Variants in NAGA observed in about 807,000 individuals in gnomAD.
NAGA encodes Acetylgalactosaminidase, alpha-N- (alpha-galactosidase B).
NAGA carries 42 observed loss-of-function variants against 45.6 expected under a neutral mutation model. The ratio of observed to expected loss-of-function variants is 0.92; its 90% CI spans 0.72 to 1.19. NAGA has a LOEUF of 1.19. NAGA is among the 50% of genes most tolerant of loss of function. NAGA has a pLI of 0.00. For synonymous variants in NAGA, 176 were observed against 203.1 expected (o/e 0.87, Z 1.13); for missense variants, 493 against 544.8 (o/e 0.90, Z 0.95).
At chr22:42,066,491 C>T (rs985171316) in intron 5 of NAGA, among the ~76,000 whole-genome samples, 1 of 152,212 alleles carries the variant, frequency 6.6e-6, no homozygotes, top group Non-Finnish European at 1.5e-5. Flanking sequence ...CTAAGGCCCG[C>T]CACTCCCTCC....
In NAGA at chr22:42,066,714, G is replaced by T. The variant is rs774417901; in HGVS notation, c.593C>A (p.Pro198Gln). The T allele has an allele frequency of 2.5e-6, 4 of 1,597,430 alleles. No homozygotes were observed. The highest frequency in any genetic ancestry group is 1.3e-5 in the African/African-American group (1 of 74,680). ...GCAGGGGGCAGAATGGCTTACCCTT[G>T]GGGGGAGGCCGCCTTCATAGGCTGG... ...SWPAYEGGLP[P>Q]RVNYSLLADI... Residue 198 changes from proline (P) to glutamine (Q), a missense_variant, in exon 5 of 9, where the codon CCA (proline) becomes CAA (glutamine). Transcript: ENST00000396398.
chr22:42,063,247 C>T (rs1309562729), intron 6 of NAGA, among the ~76,000 whole-genome samples: 2 of 152,222 alleles, frequency 1.3e-5, no homozygotes, highest in Non-Finnish European at 1.5e-5. Context: ...CCATCAAGAA[C>T]AGGAGTCGGC....
rs751881704 is a variant in NAGA at position 42,067,892 on chromosome 22, C to T, written c.197G>A (p.Gly66Glu). Residue 66 changes from glycine (G) to glutamate (E), a missense_variant, in exon 3 of 9, where the codon GGA (glycine) becomes GAA (glutamate). Coordinates refer to ENST00000396398, the MANE Select transcript of NAGA (RefSeq NM_000262.3). ...MEMADRMAQD[G>E]WRDMGYTYLN... ...GTATGTGTAGCCCATGTCCCGCCAT[C>T]CATCCTGTGCCATCCGGTCAGCCAT... is the stretch of plus-strand genomic sequence containing the variant. 3 of 1,613,750 alleles carry T rather than the reference C, an allele frequency of 1.9e-6. No individual in the cohort carries two copies. Among genetic ancestry groups the T allele is most frequent in the Admixed American group, 3.3e-5 (2 of 60,032 alleles).
chr22:42,067,841 C>G lies in NAGA; in HGVS notation c.248G>C (p.Gly83Ala). 6.2e-7 allele frequency: 1 copy of G among 1,612,974 alleles called. No homozygotes were observed. Among genetic ancestry groups the G allele is most frequent in the Non-Finnish European group, 8.5e-7 (1 of 1,179,964 alleles). ...CAGGCGGCCACTGGCATCGCGACCACCGATCCAGCAGTCATCAATGTTGAG... is the reference window on the plus strand; with the variant it reads ...CAGGCGGCCACTGGCATCGCGACCAGCGATCCAGCAGTCATCAATGTTGAG... ...TYLNIDDCWI[G>A]GRDASGRLMP... Residue 83 changes from glycine to alanine, a missense_variant, in exon 3 of 9, where the codon GGT becomes GCT. By Grantham distance (60) the Gly-to-Ala change is moderately conservative (BLOSUM62 0). Coordinates refer to ENST00000396398, the MANE Select transcript of NAGA (RefSeq NM_000262.3).
chr22:42,067,454 C>G (rs1041498423), intron 3 of NAGA, among the ~76,000 whole-genome samples, 164 bp from the exon 4 acceptor site: 3 of 152,178 alleles, frequency 2.0e-5, no homozygotes, highest in Non-Finnish European at 4.4e-5. Flanking sequence ...CACCTCTCCC[C>G]CAACACACAC....
rs1926761147 is a variant in NAGA, at chr22:42,066,794, C to G, written c.513G>C (p.Lys171Asn). The G allele has an allele frequency of 1.2e-6, 2 of 1,605,116 alleles. No individual in the cohort carries two copies. The highest frequency in any genetic ancestry group is 2.2e-5 in the East Asian group (1 of 44,570). The change falls in exon 5 of 9, where the codon AAG (lysine) becomes AAC (asparagine). Residue 171 changes from lysine (K) to asparagine (N), a missense_variant. Transcript: ENST00000396398. ...TPEERAQGYP[K>N]MAAALNATGR... ...CTGTGGCATTCAGGGCAGCAGCCAT[C>G]TTGGGGTACCCTAGAGAAAGCCCAA...
Position 42,070,495 on chromosome 22 carries a change from C to A in NAGA, c.-198G>T. On this transcript the variant is annotated 5_prime_UTR_variant, in exon 1 of 9. Coordinates refer to ENST00000396398, the MANE Select transcript of NAGA (RefSeq NM_000262.3). ...CCCGCCCCATCCCCAGCCATCACTT[C>A]CCGGAGCTTCAGTTCTTCCTTCAGA... 1 of 680,658 alleles carries A rather than the reference C, an allele frequency of 1.5e-6. No individual in the cohort carries two copies. Among genetic ancestry groups the A allele is most frequent in the Non-Finnish European group, 2.7e-6 (1 of 372,316 alleles). 42.2% of individuals were successfully genotyped at this position (680,658 alleles called of 1,614,324 possible).
rs750117533 is a variant in NAGA, at chr22:42,067,138, G to A, written c.477C>T (p.Phe159=). The change falls in exon 4 of 9, where the codon TTC becomes TTT. Residue 159 remains phenylalanine (F), a synonymous_variant. Transcript: ENST00000396398. ...KVDMLKLDGC[F]STPEERAQGY... ...CCTGGGCCCGCTCCTCGGGGGTGGA[G>A]AAGCAGCCATCCAGCTTGAGCATGT... 1.2e-6 allele frequency: 2 copies of A among 1,614,008 alleles called. No individual in the cohort carries two copies. The highest frequency in any genetic ancestry group is 2.7e-5 in the African/African-American group (2 of 74,914).
At chr22:42,067,034 C>T (rs1263165026) in intron 4 of NAGA, 79 bp downstream of exon 4, 2 of 1,595,486 alleles carry the variant, frequency 1.3e-6, no homozygotes, top group South Asian at 1.1e-5. Flanking sequence ...TTGGGAAGCT[C>T]AGCCAGGTGG....
intron 2 of NAGA, 120 bp from the exon 3 acceptor site, chr22:42,068,056 A>G (rs1281242432): frequency 3.0e-6 from 3 of 985,822 alleles, no homozygotes; most frequent in Non-Finnish European, 4.8e-6. Context: ...GCCCTAAGCC[A>G]GGTATCAGTG....
At chr22:42,067,546 C>G (rs1926814976) in intron 3 of NAGA, among the ~76,000 whole-genome samples, 1 of 152,218 alleles carries the variant, frequency 6.6e-6, no homozygotes, top group Non-Finnish European at 1.5e-5. Context: ...GGGCTCAGCT[C>G]AAGAAATGCC....
chr22:42,060,326 T>C lies in NAGA; in HGVS notation c.1189A>G (p.Met397Val). ...TTCTTGATGGGATACAGGTACCACA[T>C]CACTACCCCTGAAGGGTTGATGATC... The part of the protein sequence containing the change: ...TVIINPSGVV[M>V]WYLYPIKNLE... The change falls in exon 9 of 9, where the codon ATG (methionine) becomes GTG (valine). Residue 397 changes from methionine (M) to valine (V), a missense_variant. Coordinates refer to ENST00000396398, the MANE Select transcript of NAGA (RefSeq NM_000262.3). The C allele has an allele frequency of 6.2e-7, 1 of 1,613,586 alleles. No homozygotes were observed. The highest frequency in any genetic ancestry group is 1.7e-5 in the Admixed American group (1 of 59,964).
Position 42,061,030 on chromosome 22 carries a change from G to C in NAGA, c.995C>G (p.Ser332Cys). 6.2e-7 allele frequency: 1 copy of C among 1,614,208 alleles called. No individual in the cohort carries two copies. The highest frequency in any genetic ancestry group is 1.1e-5 in the South Asian group (1 of 91,088). ...SLIEVYMRPLSNKASALVFFS... is the reference protein window; with the variant it reads ...SLIEVYMRPLCNKASALVFFS... The stretch of plus-strand genomic sequence containing the variant: ...GAAGACTAAGGCGCTAGCCTTGTTG[G>C]ACAGAGGCCGCATGTACACTTCGAT... Residue 332 changes from serine (S) to cysteine (C), a missense_variant, in exon 8 of 9, where the codon TCC (serine) becomes TGC (cysteine). By Grantham distance (112) the Ser-to-Cys change is moderately radical. Coordinates refer to ENST00000396398, the MANE Select transcript of NAGA (RefSeq NM_000262.3).
Position 42,060,032 on chromosome 22 carries a change from TG to T in NAGA, c.*246del. 1 of 522,624 alleles carries T rather than the reference TG, an allele frequency of 1.9e-6. No individual in the cohort carries two copies. Among genetic ancestry groups the T allele is most frequent in the East Asian group, 3.5e-5 (1 of 28,272 alleles). The allele number at this position is 522,624 out of a possible 1,614,324, so 32.4% of individuals were successfully genotyped here. A position where few individuals can be genotyped will look rare whatever the true frequency, so the allele number is the denominator to read the frequency against. On this transcript the variant is annotated 3_prime_UTR_variant, in exon 9 of 9. Transcript: ENST00000396398. ...CTGGCGAGTTGCTCAGCAACGTCTG[TG>T]GGGCTGCGCACATGGAAGTAGAGGC...
rs891888904 is a variant in NAGA, at chr22:42,070,590, C to G, written c.-293G>C. ...CAGTGCTGGGAGTCCCGAGGGCCTA[C>G]GGGCCGCCTTCGGCCCCGCCCGGGC... On this transcript the variant is annotated 5_prime_UTR_variant, in exon 1 of 9. Transcript: ENST00000396398. 10 of 548,326 alleles carry G rather than the reference C, an allele frequency of 1.8e-5. No individual in the cohort carries two copies. The highest frequency in any genetic ancestry group is 3.3e-5 in the Non-Finnish European group (10 of 304,268). The allele number at this position is 548,326 out of a possible 1,614,324, so 34.0% of individuals were successfully genotyped here.
intron 1 of NAGA, 38 bp downstream of exon 1, chr22:42,070,244 C>T: frequency 6.2e-7 from 1 of 1,613,494 alleles, no homozygotes; most frequent in Non-Finnish European, 8.5e-7. Context: ...GTAGCACTCA[C>T]CCCTACCCTT....
rs1926226194 is a variant in NAGA at position 42,059,270 on chromosome 22, C to T, written c.*1009G>A. On this transcript the variant is annotated 3_prime_UTR_variant, in exon 9 of 9. Transcript: ENST00000396398. ...GGACCAAAGCAAGACAGGCAAGAACCCATCATTCCTTCACTTTGACTGTTA... is the reference window on the plus strand; with the variant it reads ...GGACCAAAGCAAGACAGGCAAGAACTCATCATTCCTTCACTTTGACTGTTA... 1 of 152,230 alleles carries T rather than the reference C, an allele frequency of 6.6e-6. No homozygotes were observed. The allele number at this position is 152,230 out of a possible 1,614,324, so 9.4% of individuals were successfully genotyped here. A position where few individuals can be genotyped will look rare whatever the true frequency, so the allele number is the denominator to read the frequency against.
At chr22:42,062,597 A>G (rs1926470720) in intron 7 of NAGA, among the ~76,000 whole-genome samples, 1 of 151,866 alleles carries the variant, frequency 6.6e-6, no homozygotes, top group Admixed American at 6.6e-5. Flanking sequence ...CTCATCCCCG[A>G]CTCCCTTGAG....
At chr22:42,068,208 G>A (rs1926857865) in intron 2 of NAGA, among the ~76,000 whole-genome samples, 1 of 152,182 alleles carries the variant, frequency 6.6e-6, no homozygotes, top group Admixed American at 6.5e-5. Flanking sequence ...CTCAGGGGCT[G>A]GGTCCATGTA....
Sources: gnomAD v4.1 joint callset for allele counts (sites outside exome capture counted in the v4.1 genomes callset) on GRCh38, gnomAD v4.1.1 for gene constraint, MANE v1.5 for transcripts, NCBI Gene and HGNC (gene_info 2026-07-23, HGNC 2026-07-21) for gene names.